TRMT11: variants seen among roughly 807,000 people sequenced by gnomAD.
The protein encoded by TRMT11 is tRNA methyltransferase 11, also known as tRNA (guanine(10)-N(2))-methyltransferase TRMT11.
TRMT11 carries 53 observed loss-of-function variants against 62.8 expected under a neutral mutation model. The observed-to-expected ratio is 0.84, with a 90% CI of 0.68 to 1.06. TRMT11 has a LOEUF of 1.06. Ranked by LOEUF, TRMT11 falls within the 50% of genes least tolerant of loss-of-function variation. The pLI is 0.00. For missense variants in TRMT11, 556 were observed against 553.4 expected (o/e 1.00, Z -0.05); for synonymous variants, 188 against 190.3 (o/e 0.99, Z 0.10).
chr6:126,240,053 C>A, the TRMT11 span, among the ~76,000 whole-genome samples: 3 of 152,204 alleles, frequency 2.0e-5, no homozygotes, highest in East Asian at 5.8e-4. Context: ...TGGTTTTCAG[C>A]TCCATCAGGT....
chr6:126,247,764 C>T, the TRMT11 span, among the ~76,000 whole-genome samples: 12 of 151,440 alleles, frequency 7.9e-5, no homozygotes, highest in African/African-American at 2.9e-4. Flanking sequence ...CTTAGAAGAT[C>T]CGTCGGGGAA....
chr6:126,193,665 T>C (rs1778631671), intron 1 of TRMT11, among the ~76,000 whole-genome samples: 1 of 151,712 alleles, frequency 6.6e-6, no homozygotes, highest in Non-Finnish European at 1.5e-5. Flanking sequence ...GCTAATTTTT[T>C]CTATTTTTTA....
chr6:126,130,894 G>A (rs1777775013), intron 21 of TRMT11, among the ~76,000 whole-genome samples: 1 of 152,082 alleles, frequency 6.6e-6, no homozygotes, highest in Non-Finnish European at 1.5e-5. Context: ...CATAAGAAAG[G>A]TGCCATCAGA....
At chr6:126,259,815 A>G in the TRMT11 span, among the ~76,000 whole-genome samples, 2 of 152,206 alleles carry the variant, frequency 1.3e-5, no homozygotes, top group African/African-American at 2.4e-5. Flanking sequence ...CCTTATCATT[A>G]AAGAATAACC....
chr6:125,995,978 G>GATTCTT lies in TRMT11; in HGVS notation c.152_157dup (p.Ile51_Leu52dup). 6.2e-7 allele frequency: 1 copy of GATTCTT among 1,608,460 alleles called. No homozygotes were observed. Among genetic ancestry groups the GATTCTT allele is most frequent in the Non-Finnish European group, 8.5e-7 (1 of 1,174,972 alleles). On this transcript the variant is annotated inframe_insertion, in exon 3 of 13. Coordinates refer to ENST00000334379, the MANE Select transcript of TRMT11 (RefSeq NM_001031712.3). ...GTTATTTCTTTTAGTCACCATTTTG[G>GATTCTT]ATTCTTAGCATTCCCTCTGAAGATA...
chr6:126,012,587 C>T (rs1583707385), intron 9 of TRMT11, among the ~76,000 whole-genome samples, 184 bp from the exon 10 acceptor site: 1 of 152,278 alleles, frequency 6.6e-6, no homozygotes, highest in African/African-American at 2.4e-5. Context: ...ATGACATTGA[C>T]ATATTTTAAG....
chr6:126,103,963 C>T (rs1777434515), intron 17 of TRMT11, among the ~76,000 whole-genome samples: 1 of 152,114 alleles, frequency 6.6e-6, no homozygotes. Context: ...GGGGGGACCA[C>T]CTTGGAGCCT....
At chr6:126,000,066 T>A (rs1465812696) in intron 7 of TRMT11, among the ~76,000 whole-genome samples, 1 of 152,174 alleles carries the variant, frequency 6.6e-6, no homozygotes, top group Non-Finnish European at 1.5e-5. Flanking sequence ...ATATCCTATC[T>A]TTGAGTTGGT....
chr6:126,121,063 C>G (rs1328578975), intron 21 of TRMT11, among the ~76,000 whole-genome samples: 1 of 152,044 alleles, frequency 6.6e-6, no homozygotes, highest in East Asian at 1.9e-4. Context: ...ACTATTGCCC[C>G]CAATTGGTGT....
At position 126,011,408 on chromosome 6, in the gene TRMT11, A is replaced by G. The variant is rs116913944; in HGVS notation, c.916A>G (p.Ile306Val). The G allele has an allele frequency of 0.043, 69,184 of 1,610,006 alleles. 1,713 individuals carry two copies. The highest frequency in any genetic ancestry group is 0.051 in the Non-Finnish European group (60,109 of 1,178,054). ...GAAGGGCACATATTTTGATGCAATC[A>G]TTACTGATCGTAAGTTTATTTTTAT... ...WRKGTYFDAI[I>V]TDPPYGIRES... The change falls in exon 9 of 13, where the codon ATT becomes GTT. Residue 306 changes from isoleucine (I) to valine (V), a missense_variant. Coordinates refer to ENST00000334379, the MANE Select transcript of TRMT11 (RefSeq NM_001031712.3).
At chr6:126,141,932 C>A (rs9401864) in intron 21 of TRMT11, among the ~76,000 whole-genome samples, 39,867 of 151,952 alleles carry the variant, frequency 0.26, 5,590 homozygotes, top group Middle Eastern at 0.37. Flanking sequence ...TCCTTCTCTA[C>A]CAGGGAAAGT....
chr6:126,220,387 A>G, the TRMT11 span, among the ~76,000 whole-genome samples: 1 of 152,228 alleles, frequency 6.6e-6, no homozygotes, highest in Non-Finnish European at 1.5e-5. Flanking sequence ...AGGTTTGCCC[A>G]CAAACCCCTG....
At chr6:126,008,750 G>A in intron 8 of TRMT11, 3 of 601,080 alleles carry the variant, frequency 5.0e-6, no homozygotes, top group South Asian at 4.7e-5. Context: ...AATAAAGTAA[G>A]TATAACAGTA....
intron 21 of TRMT11, among the ~76,000 whole-genome samples, chr6:126,119,306 C>A (rs1228812649): frequency 6.6e-6 from 1 of 151,990 alleles, no homozygotes; most frequent in Non-Finnish European, 1.5e-5. Context: ...AATCCTGAAC[C>A]TTCTGTTCCC....
intron 1 of TRMT11, among the ~76,000 whole-genome samples, chr6:125,991,841 T>C (rs761004653): frequency 2.6e-5 from 4 of 152,210 alleles, no homozygotes; most frequent in Non-Finnish European, 4.4e-5. Context: ...GTAGTACTTA[T>C]TGTACTAAAT....
the TRMT11 span, among the ~76,000 whole-genome samples, chr6:126,230,328 C>T: frequency 6.6e-6 from 1 of 152,216 alleles, no homozygotes; most frequent in African/African-American, 2.4e-5. Flanking sequence ...ACAGGACAGG[C>T]TGAGGGTTCA....
At chr6:126,193,635 G>A (rs1275042263) in intron 1 of TRMT11, among the ~76,000 whole-genome samples, 2 of 151,382 alleles carry the variant, frequency 1.3e-5, no homozygotes, top group Admixed American at 1.3e-4. Context: ...TGGGACCACA[G>A]GAGCCCGCCA....
At position 126,120,549 on chromosome 6, in the gene TRMT11, G is replaced by A. The variant is rs552714291; in HGVS notation, c.*1823+4694G>A. Among the ~76,000 whole-genome samples the A allele has an allele frequency of 2.6e-5, 4 of 152,222 alleles. No individual in the cohort carries two copies. In the South Asian group the frequency reaches 8.3e-4, roughly 32 times the overall value. ...ACTTCAGCTGTATAGCTATTTCCCA[G>A]TGGATAATTAAAGACCTGTCAGACT... On this transcript the variant is annotated intron_variant and NMD_transcript_variant, in intron 21 of 22. Transcript: ENST00000648977.
At chr6:126,166,077 C>T (rs1778258649) in intron 21 of TRMT11, among the ~76,000 whole-genome samples, 1 of 152,016 alleles carries the variant, frequency 6.6e-6, no homozygotes, top group Non-Finnish European at 1.5e-5. Flanking sequence ...ATCGATTTGG[C>T]TATTCATACT....
Sources: gnomAD v4.1 joint callset for allele counts (sites outside exome capture counted in the v4.1 genomes callset) on GRCh38, gnomAD v4.1.1 for gene constraint, MANE v1.5 for transcripts, NCBI Gene and HGNC (gene_info 2026-07-23, HGNC 2026-07-21) for gene names.